The following TRIM25 variants were observed in gnomAD, a reference collection of about 807,000 sequenced individuals.
The protein encoded by TRIM25 is tripartite motif containing 25.
A neutral mutation model predicts 65.2 loss-of-function variants in TRIM25; 45 were observed. The observed-to-expected ratio is 0.69, with a 90% CI of 0.54 to 0.89. The LOEUF (loss-of-function observed/expected upper bound fraction) is 0.89, where lower values mean the gene tolerates loss of function less well. Ranked by LOEUF, TRIM25 falls within the 40% of genes least tolerant of loss-of-function variation. The probability of loss-of-function intolerance (pLI) is 0.00; values close to 1 mark genes in which losing one functional copy is unlikely to be tolerated. For missense variants in TRIM25, 714 were observed against 803.7 expected, an observed-to-expected ratio of 0.89 and a Z score of 1.35; for synonymous variants, 321 against 340.4, an observed-to-expected ratio of 0.94 and a Z score of 0.63.
At chr17:56,908,800 C>T (rs1483604191) in intron 1 of TRIM25, 2 of 483,966 alleles carry the variant, frequency 4.1e-6, no homozygotes, top group Admixed American at 6.6e-5. Context: ...CCAGTCCCAA[C>T]TCCCAGCTGT....
At chr17:56,904,766 G>A (rs1267136488) in intron 2 of TRIM25, among the ~76,000 whole-genome samples, 1 of 152,216 alleles carries the variant, frequency 6.6e-6, no homozygotes, top group African/African-American at 2.4e-5. Context: ...ATTGTCTGAA[G>A]TAGCAAAAAC....
In TRIM25 at chr17:56,890,409, T is replaced by C. The variant is rs1264105481; in HGVS notation, c.*1291A>G. ...TCCCTCCCTGATCAATGTGAGCTTATATAATTGGCTTAAATGAGGAAGTCA... is the reference window on the plus strand; with the variant it reads ...TCCCTCCCTGATCAATGTGAGCTTACATAATTGGCTTAAATGAGGAAGTCA... On this transcript the variant is annotated 3_prime_UTR_variant, in exon 9 of 9. Coordinates refer to ENST00000316881, the MANE Select transcript of TRIM25 (RefSeq NM_005082.5). 5 of 356,192 alleles carry C rather than the reference T, an allele frequency of 1.4e-5. No individual in the cohort carries two copies. The highest frequency in any genetic ancestry group is 2.2e-5 in the Non-Finnish European group (4 of 179,700). The allele number at this position is 356,192 out of a possible 1,614,324, so 22.1% of individuals were successfully genotyped here.
At position 56,889,453 on chromosome 17, in the gene TRIM25, C is replaced by T. The variant is rs1909122392; in HGVS notation, c.*2247G>A. The T allele has an allele frequency of 7.0e-6, 2 of 287,258 alleles. No individual in the cohort carries two copies. Among genetic ancestry groups the T allele is most frequent in the Admixed American group, 5.2e-5 (1 of 19,266 alleles). 17.8% of individuals were successfully genotyped at this position (287,258 alleles called of 1,614,324 possible). The stretch of plus-strand genomic sequence containing the variant: ...TACAAAGGTTCCTCCAACTCTAGGA[C>T]TCCAGGGTTGTGTGGCGGCCCTGCA... On this transcript the variant is annotated 3_prime_UTR_variant, in exon 9 of 9. Transcript: ENST00000316881.
chr17:56,891,818 G>A lies in TRIM25; in HGVS notation c.1775C>T (p.Ala592Val). The A allele has an allele frequency of 6.2e-7, 1 of 1,614,232 alleles. No homozygotes were observed. Among genetic ancestry groups the A allele is most frequent in the Non-Finnish European group, 8.5e-7 (1 of 1,180,040 alleles). ...NCDHGFVIFF[A>V]VADKVHLMYK... ...CATCAGGTGGACCTTGTCGGCAACA[G>A]CGAAGAAGATGACAAAGCCGTGGTC... The change falls in exon 9 of 9, where the codon GCT becomes GTT. Residue 592 changes from alanine (A) to valine (V), a missense_variant. Ala to Val is a moderately conservative substitution (Grantham distance 64). This residue lies in a region of TRIM25 where 413 missense variants were observed against 498.2 expected (regional missense o/e 0.83). Transcript: ENST00000316881.
intron 8 of TRIM25, among the ~76,000 whole-genome samples, chr17:56,893,567 T>C (rs1214423125): frequency 2.0e-5 from 3 of 152,358 alleles, no homozygotes; most frequent in African/African-American, 7.2e-5. Flanking sequence ...GGAAGGGCTA[T>C]ATTTTTCAGT....
chr17:56,906,435 G>C (rs138335513), intron 2 of TRIM25, among the ~76,000 whole-genome samples: 11 of 151,950 alleles, frequency 7.2e-5, no homozygotes, highest in African/African-American at 2.2e-4. Context: ...ACATAACAAA[G>C]AGAAAAACAC....
intron 4 of TRIM25, among the ~76,000 whole-genome samples, chr17:56,899,624 G>A (rs554093072): frequency 1.3e-3 from 195 of 152,160 alleles, no homozygotes; most frequent in African/African-American, 4.5e-3. Flanking sequence ...TTGCCCCCAC[G>A]CAGCACTTCC....
At chr17:56,902,117 A>T (rs1435878900) in intron 3 of TRIM25, among the ~76,000 whole-genome samples, 1 of 152,194 alleles carries the variant, frequency 6.6e-6, no homozygotes, top group East Asian at 1.9e-4. Flanking sequence ...GTGCACTCAG[A>T]TCCTTCGAGA....
chr17:56,895,439 C>T lies in TRIM25; in HGVS notation c.1267G>A (p.Ala423Thr), dbSNP rs1202280971. 2 of 1,613,982 alleles carry T rather than the reference C, an allele frequency of 1.2e-6. No individual in the cohort carries two copies. The highest frequency in any genetic ancestry group is 2.7e-5 in the African/African-American group (2 of 74,886). The change falls in exon 8 of 9, where the codon GCA (alanine) becomes ACA (threonine). Residue 423 changes from alanine (A) to threonine (T), a missense_variant and splice_region_variant. Around this residue, in one of 3 missense-constraint regions of TRIM25, gnomAD observed 413 missense variants for 498.2 expected, o/e 0.83. Transcript: ENST00000316881. ...VDLKQAGLEAAAKATSSHPNS... is the reference protein window; with the variant it reads ...VDLKQAGLEATAKATSSHPNS... Reference sequence around the variant, plus strand: ...GGATGTGAGCTGGTGGCTTTGGCTGCAGCTGGGAGAGGAAACAGAGAGTGA... The same window carrying T: ...GGATGTGAGCTGGTGGCTTTGGCTGTAGCTGGGAGAGGAAACAGAGAGTGA...
chr17:56,892,681 C>A (rs1053183630), intron 8 of TRIM25, among the ~76,000 whole-genome samples: 10 of 152,182 alleles, frequency 6.6e-5, no homozygotes, highest in African/African-American at 2.4e-4. Context: ...TCCATTCTGT[C>A]CAGCCAGCCA....
intron 1 of TRIM25, chr17:56,912,013 G>T (rs1909639301): frequency 6.6e-6 from 1 of 152,192 alleles, no homozygotes; most frequent in Admixed American, 6.6e-5. Context: ...AACATCCTAG[G>T]CAACATAGCA....
chr17:56,902,373 A>T (rs946429505), intron 3 of TRIM25, among the ~76,000 whole-genome samples: 8 of 152,234 alleles, frequency 5.3e-5, no homozygotes, highest in Admixed American at 5.2e-4. Flanking sequence ...GATTGGCAGG[A>T]GGATGAATGG....
intron 8 of TRIM25, among the ~76,000 whole-genome samples, chr17:56,895,039 C>T (rs769724651): frequency 5.9e-5 from 9 of 152,126 alleles, no homozygotes; most frequent in Non-Finnish European, 1.2e-4. Context: ...GGCCGGTGAC[C>T]GCAATCGCCC....
chr17:56,893,680 C>A (rs1314179037), intron 8 of TRIM25, among the ~76,000 whole-genome samples: 1 of 152,206 alleles, frequency 6.6e-6, no homozygotes, highest in Non-Finnish European at 1.5e-5. Context: ...AGTGGGAGGG[C>A]CCTAGGCCTG....
intron 1 of TRIM25, among the ~76,000 whole-genome samples, chr17:56,912,504 C>G (rs115054219): frequency 6.6e-6 from 1 of 152,192 alleles, no homozygotes; most frequent in Non-Finnish European, 1.5e-5. Context: ...TAATAACAAC[C>G]CTTCCTGATC....
intron 6 of TRIM25, 142 bp downstream of exon 6, chr17:56,895,784 C>T: frequency 1.6e-6 from 2 of 1,256,270 alleles, no homozygotes; most frequent in Non-Finnish European, 2.2e-6. Flanking sequence ...CCTCCAGCCT[C>T]AGGCCTGCTG....
intron 4 of TRIM25, among the ~76,000 whole-genome samples, chr17:56,900,228 T>A (rs1909382537): frequency 6.6e-6 from 1 of 151,386 alleles, no homozygotes; most frequent in African/African-American, 2.4e-5. Flanking sequence ...AAAAAAAAAT[T>A]TTTTTTTAAT....
chr17:56,908,657 C>T (rs1369845724), intron 1 of TRIM25, 94 bp from the exon 2 acceptor site: 1 of 1,257,650 alleles, frequency 8.0e-7, no homozygotes, highest in African/African-American at 1.5e-5. Flanking sequence ...TAGATTCCTT[C>T]CTCTTCCACT....
rs1049524240 is a variant in TRIM25 at position 56,902,353 on chromosome 17, G to A, written c.928-775C>T. Among the ~76,000 whole-genome samples the A allele has an allele frequency of 1.8e-4, 27 of 152,344 alleles. 1 individual carries two copies. The highest frequency in any genetic ancestry group is 6.0e-4 in the African/African-American group (25 of 41,584). ...CACTATATGCCAAGCACTCTGCTATGTGCTGGTCAGATTGGCAGGAGGATG... is the reference window on the plus strand; with the variant it reads ...CACTATATGCCAAGCACTCTGCTATATGCTGGTCAGATTGGCAGGAGGATG... On this transcript the variant is annotated intron_variant, in intron 3 of 8. Transcript: ENST00000316881.
Sources: allele counts gnomAD v4.1 joint callset (sites outside exome capture counted in the v4.1 genomes callset), GRCh38; gene constraint gnomAD v4.1.1; regional missense constraint gnomAD v4.1.1; transcripts MANE v1.5; gene names NCBI Gene and HGNC (gene_info 2026-07-23, HGNC 2026-07-21).